The following GRID2IP variants were observed in gnomAD, a reference collection of about 807,000 sequenced individuals.
The protein encoded by GRID2IP is Grid2 interacting protein, also known as delphilin.
In GRID2IP, 78 loss-of-function variants were observed where a neutral mutation model predicts 114.3. That is an observed-to-expected ratio of 0.68 (90% CI 0.57 to 0.82). The LOEUF (loss-of-function observed/expected upper bound fraction) is 0.82, where lower values mean the gene tolerates loss of function less well. Ranked by LOEUF, GRID2IP falls within the 40% of genes least tolerant of loss-of-function variation. The pLI is 0.00. For synonymous variants in GRID2IP, 809 were observed against 724.0 expected, an observed-to-expected ratio of 1.12 and a Z score of -1.89; for missense variants, 1,727 against 1,678.5, an observed-to-expected ratio of 1.03 and a Z score of -0.51.
chr7:6,533,148 G>A (rs1227985341), intron 2 of GRID2IP, among the ~76,000 whole-genome samples: 6 of 152,096 alleles, frequency 3.9e-5, no homozygotes. Context: ...GGCATCTAGG[G>A]GGTAGAGGCC....
intron 7 of GRID2IP, among the ~76,000 whole-genome samples, chr7:6,517,686 C>T (rs1779335846): frequency 2.0e-5 from 3 of 151,054 alleles, no homozygotes; most frequent in Admixed American, 2.0e-4. Flanking sequence ...GGGGGATCAC[C>T]TGAGTCAGGA....
chr7:6,536,847 T>C lies in GRID2IP; in HGVS notation c.584+2871A>G, dbSNP rs936838955. The C allele has an allele frequency of 2.6e-5, 16 of 619,898 alleles. No individual in the cohort carries two copies. Among genetic ancestry groups the C allele is most frequent in the Non-Finnish European group, 4.5e-5 (15 of 335,440 alleles). 38.4% of individuals were successfully genotyped at this position (619,898 alleles called of 1,614,324 possible). A position where few individuals can be genotyped will look rare whatever the true frequency, so the allele number is the denominator to read the frequency against. Reference sequence around the variant, plus strand: ...CTTACTCACCCCAGGCAGCTCATGGTGGCCTCTTTCGGTGGTGGTCGCCTA... The same window carrying C: ...CTTACTCACCCCAGGCAGCTCATGGCGGCCTCTTTCGGTGGTGGTCGCCTA... On this transcript the variant is annotated intron_variant, in intron 2 of 21. Coordinates refer to ENST00000457091, the MANE Select transcript of GRID2IP (RefSeq NM_001145118.2). The surrounding 1 kb of genome is among the most constrained non-coding windows in gnomAD (Gnocchi z 5.3).
At position 6,534,522 on chromosome 7, in the gene GRID2IP, A is replaced by C. The variant is rs1211147136; in HGVS notation, c.584+5196T>G. On this transcript the variant is annotated intron_variant, in intron 2 of 21. Transcript: ENST00000457091. This position sits in a 1 kb window ranked among gnomAD's most constrained non-coding sequence, Gnocchi z 4.5. ...CCACCTGCTTACATGGTGACCACGGACCCATCTCACCCTTTACAGCAGCAG... is the reference window on the plus strand; with the variant it reads ...CCACCTGCTTACATGGTGACCACGGCCCCATCTCACCCTTTACAGCAGCAG... 6.6e-6 allele frequency among the ~76,000 whole-genome samples: 1 copy of C among 152,048 alleles called. No homozygotes were observed. The highest frequency in any genetic ancestry group is 1.9e-4 in the East Asian group (1 of 5,190).
At position 6,532,978 on chromosome 7, in the gene GRID2IP, G is replaced by C. The variant is rs1164213708; in HGVS notation, c.585-6209C>G. On this transcript the variant is annotated intron_variant, in intron 2 of 21. Coordinates refer to ENST00000457091, the MANE Select transcript of GRID2IP (RefSeq NM_001145118.2). This position sits in a 1 kb window ranked among gnomAD's most constrained non-coding sequence, Gnocchi z 4.4. The stretch of plus-strand genomic sequence containing the variant: ...ATCACCAGGGGACAGGCAACAGCCG[G>C]ACTTCCCTGAAGTGTCTGCTCCAGC... 6.6e-6 allele frequency among the ~76,000 whole-genome samples: 1 copy of C among 152,220 alleles called. No homozygotes were observed. The highest frequency in any genetic ancestry group is 1.5e-5 in the Non-Finnish European group (1 of 68,040).
intron 2 of GRID2IP, among the ~76,000 whole-genome samples, chr7:6,535,703 C>A (rs971392039): frequency 6.6e-6 from 1 of 152,068 alleles, no homozygotes; most frequent in African/African-American, 2.4e-5. Context: ...TTTATAAATT[C>A]TTAAAAAAAT....
chr7:6,526,073 G>T lies in GRID2IP; in HGVS notation c.919+151C>A. 1.6e-6 allele frequency: 1 copy of T among 640,868 alleles called. No individual in the cohort carries two copies. The highest frequency in any genetic ancestry group is 2.4e-5 in the Admixed American group (1 of 41,142). The allele number at this position is 640,868 out of a possible 1,614,324, so 39.7% of individuals were successfully genotyped here. On this transcript the variant is annotated intron_variant, in intron 4 of 21. Transcript: ENST00000457091. This position sits in a 1 kb window ranked among gnomAD's most constrained non-coding sequence, Gnocchi z 7.6. The stretch of plus-strand genomic sequence containing the variant: ...GATCTGCTGGCTCTGGGACACTCTG[G>T]GGACACGGTCTACACAAGGATGGTA...
chr7:6,540,084 TTCCCC>T lies in GRID2IP; in HGVS notation c.430-217_430-213del, dbSNP rs545698566. Reference sequence around the variant, plus strand: ...CTTCCTTCCTCCCTTCCTTCTTCCCTTCCCCTCCCCTCCCCTCCCCTCCCCTCCCT... The same window carrying T: ...CTTCCTTCCTCCCTTCCTTCTTCCCTTCCCCTCCCCTCCCCTCCCCTCCCT... On this transcript the variant is annotated intron_variant, in intron 1 of 21. Coordinates refer to ENST00000457091, the MANE Select transcript of GRID2IP (RefSeq NM_001145118.2). 4.6e-3 allele frequency among the ~76,000 whole-genome samples: 683 copies of T among 147,890 alleles called. 8 individuals carry two copies. The highest frequency in any genetic ancestry group is 0.013 in the African/African-American group (524 of 39,912).
At chr7:6,513,478 C>T (rs146924098) in intron 8 of GRID2IP, among the ~76,000 whole-genome samples, 17 of 152,010 alleles carry the variant, frequency 1.1e-4, no homozygotes, top group African/African-American at 4.1e-4. Context: ...CCTCAGTCTC[C>T]TAAAATGCTG....
In GRID2IP at chr7:6,526,096, G is replaced by A. The variant is rs911543486; in HGVS notation, c.919+128C>T. The A allele has an allele frequency of 2.6e-5, 18 of 703,516 alleles. No individual in the cohort carries two copies. The highest frequency in any genetic ancestry group is 9.5e-5 in the South Asian group (6 of 63,052). The allele number at this position is 703,516 out of a possible 1,614,324, so 43.6% of individuals were successfully genotyped here. A position where few individuals can be genotyped will look rare whatever the true frequency, so the allele number is the denominator to read the frequency against. On this transcript the variant is annotated intron_variant, in intron 4 of 21. Coordinates refer to ENST00000457091, the MANE Select transcript of GRID2IP (RefSeq NM_001145118.2). The surrounding 1 kb of genome is among the most constrained non-coding windows in gnomAD (Gnocchi z 7.6). ...TGGGGACACGGTCTACACAAGGATG[G>A]TACCTGACGTGGAGGGGTTGCTGAG...
chr7:6,499,747 T>C (rs1786361398), intron 20 of GRID2IP, among the ~76,000 whole-genome samples: 1 of 151,012 alleles, frequency 6.6e-6, no homozygotes, highest in Admixed American at 6.6e-5. Context: ...CATTTTATTT[T>C]TGAGACAGGG....
intron 7 of GRID2IP, among the ~76,000 whole-genome samples, chr7:6,515,596 G>A (rs1562517085): frequency 1.3e-5 from 2 of 151,748 alleles, no homozygotes; most frequent in Non-Finnish European, 2.9e-5. Context: ...TAGCCAACAT[G>A]GTAAACCCTG....
chr7:6,517,631 C>A (rs76707454), intron 7 of GRID2IP, among the ~76,000 whole-genome samples: 3 of 151,994 alleles, frequency 2.0e-5, no homozygotes, highest in Non-Finnish European at 4.4e-5. Flanking sequence ...GGTGTCCAGC[C>A]GTCGTGGCTC....
In GRID2IP at chr7:6,508,940, A is replaced by G; in HGVS notation, c.2127+18T>C. On this transcript the variant is annotated intron_variant, in intron 12 of 21. Transcript: ENST00000457091. This position sits in a 1 kb window ranked among gnomAD's most constrained non-coding sequence, Gnocchi z 5.6. ...CCTCGCCTCACCCGCCTCCCTCCAC[A>G]CCTGCTTGCGTGCCCACCTCCTCGT... is the stretch of plus-strand genomic sequence containing the variant. The G allele has an allele frequency of 1.9e-6, 3 of 1,541,080 alleles. No homozygotes were observed. Among genetic ancestry groups the G allele is most frequent in the South Asian group, 1.2e-5 (1 of 83,498 alleles).
chr7:6,551,361 G>A lies in GRID2IP; in HGVS notation c.76C>T (p.Pro26Ser). The A allele has an allele frequency of 6.5e-7, 1 of 1,548,824 alleles. No homozygotes were observed. The highest frequency in any genetic ancestry group is 2.0e-5 in the Admixed American group (1 of 50,924). ...DFGFRLGGSG[P>S]CFVLEVAKGS... ...TTGGCCACCTCCAGGACGAAGCAGG[G>A]GCCAGAGCCACCTAGCCGGAAGCCA... Residue 26 changes from proline to serine, a missense_variant, in exon 1 of 22, where the codon CCC becomes TCC. Coordinates refer to ENST00000457091, the MANE Select transcript of GRID2IP (RefSeq NM_001145118.2).
chr7:6,503,782 G>T, intron 15 of GRID2IP, 95 bp from the exon 16 acceptor site: 1 of 913,720 alleles, frequency 1.1e-6, no homozygotes, highest in Non-Finnish European at 1.6e-6. Flanking sequence ...GGGAGAGGGC[G>T]GACACGGGGC....
At chr7:6,514,982 G>C (rs1439741059) in intron 7 of GRID2IP, among the ~76,000 whole-genome samples, 1 of 150,846 alleles carries the variant, frequency 6.6e-6, no homozygotes, top group Non-Finnish European at 1.5e-5. Flanking sequence ...GAAAAAGAGA[G>C]AGAGAGAGAA....
Position 6,510,951 on chromosome 7 carries a change from G to A in GRID2IP, c.1512C>T (p.Arg504=), listed in dbSNP as rs1034101772. 1.1e-5 allele frequency: 17 copies of A among 1,548,728 alleles called. No homozygotes were observed. In the African/African-American group the frequency reaches 1.1e-4, roughly 10 times the overall value. ...RSSLRASSMC[R]RSLRSQGLEA... ...CCAGGCCCTGGGACCGGAGGCTGCG[G>A]CGGCACATGGAGGAAGCCCGCAGGG... is the stretch of plus-strand genomic sequence containing the variant. Residue 504 remains arginine, a synonymous_variant, in exon 9 of 22, where the codon CGC becomes CGT. Transcript: ENST00000457091.
At chr7:6,548,269 C>G (rs978860333) in intron 1 of GRID2IP, among the ~76,000 whole-genome samples, 8 of 152,086 alleles carry the variant, frequency 5.3e-5, no homozygotes, top group African/African-American at 1.9e-4. Context: ...AGGAGAATTG[C>G]TTAAACCCGG....
In GRID2IP at chr7:6,520,469, C is replaced by A; in HGVS notation, c.1268+109G>T. 8.1e-7 allele frequency: 1 copy of A among 1,239,372 alleles called. No homozygotes were observed. 76.8% of individuals were successfully genotyped at this position (1,239,372 alleles called of 1,614,324 possible). A position where few individuals can be genotyped will look rare whatever the true frequency, so the allele number is the denominator to read the frequency against. On this transcript the variant is annotated intron_variant, in intron 7 of 21. Coordinates refer to ENST00000457091, the MANE Select transcript of GRID2IP (RefSeq NM_001145118.2). This position sits in a 1 kb window ranked among gnomAD's most constrained non-coding sequence, Gnocchi z 4.6. Reference sequence around the variant, plus strand: ...CAGCAGCCACCTTCCTGAGCATCCCCCAGGAGAACGGGACTGAGGAGGTTC... The same window carrying A: ...CAGCAGCCACCTTCCTGAGCATCCCACAGGAGAACGGGACTGAGGAGGTTC...
Sources: allele counts gnomAD v4.1 joint callset (sites outside exome capture counted in the v4.1 genomes callset), GRCh38; gene constraint gnomAD v4.1.1; non-coding constraint Gnocchi (gnomAD v3.1); transcripts MANE v1.5; gene names NCBI Gene and HGNC (gene_info 2026-07-23, HGNC 2026-07-21).